KIAA0319L: variants seen among roughly 807,000 people sequenced by gnomAD.
The protein encoded by KIAA0319L is KIAA0319 like, also known as dyslexia-associated protein KIAA0319-like protein.
A neutral mutation model predicts 120.1 loss-of-function variants in KIAA0319L; 55 were observed. The observed-to-expected ratio is 0.46, with a 90% CI of 0.37 to 0.57. KIAA0319L has a LOEUF of 0.57. Ranked by LOEUF, KIAA0319L falls within the 20% of genes least tolerant of loss-of-function variation. The probability of loss-of-function intolerance (pLI) is 0.00; values close to 1 mark genes in which losing one functional copy is unlikely to be tolerated. For missense variants in KIAA0319L, 1,049 were observed against 1,255.3 expected (o/e 0.84, Z 2.48); for synonymous variants, 398 against 471.9 (o/e 0.84, Z 2.03).
intron 15 of KIAA0319L, 149 bp downstream of exon 15, chr1:35,449,718 T>C: frequency 1.3e-6 from 1 of 784,320 alleles, no homozygotes; most frequent in Non-Finnish European, 2.0e-6. Flanking sequence ...ACGGTCTCTA[T>C]GGATTTTTCA....
chr1:35,497,258 G>C (rs1007989283), intron 3 of KIAA0319L, among the ~76,000 whole-genome samples: 2 of 151,312 alleles, frequency 1.3e-5, no homozygotes, highest in African/African-American at 2.4e-5. Context: ...AAGATGAAAT[G>C]TTATCAAACT....
chr1:35,486,725 A>AC (rs1482259367), intron 3 of KIAA0319L, among the ~76,000 whole-genome samples: 57 of 118,724 alleles, frequency 4.8e-4, no homozygotes, highest in African/African-American at 2.2e-3. Context: ...ACATAGCGAG[A>AC]CCCCATTTCT....
intron 7 of KIAA0319L, among the ~76,000 whole-genome samples, chr1:35,464,182 G>C (rs567314267): frequency 6.6e-6 from 1 of 152,300 alleles, no homozygotes; most frequent in African/African-American, 2.4e-5. Context: ...CTGGGTAACA[G>C]GTAGAGGTTC....
chr1:35,498,906 AT>A (rs1395166977), intron 3 of KIAA0319L, among the ~76,000 whole-genome samples: 2 of 152,196 alleles, frequency 1.3e-5, no homozygotes, highest in Non-Finnish European at 2.9e-5. Context: ...AATCCTACCA[AT>A]GGAAAGGAAT....
chr1:35,462,789 T>C, intron 7 of KIAA0319L, 76 bp from the exon 8 acceptor site: 1 of 1,175,434 alleles, frequency 8.5e-7, no homozygotes, highest in South Asian at 1.3e-5. Flanking sequence ...CTGAGAGGAT[T>C]ATAAATCAAT....
chr1:35,486,737 CAA>C (rs4045085), intron 3 of KIAA0319L, among the ~76,000 whole-genome samples: 12 of 86,892 alleles, frequency 1.4e-4, no homozygotes, highest in Admixed American at 1.2e-4. Context: ...CCCATTTCTA[CAA>C]AAAAAAAAAA....
chr1:35,550,547 T>G (rs1038738008), intron 2 of KIAA0319L, among the ~76,000 whole-genome samples: 2 of 152,216 alleles, frequency 1.3e-5, no homozygotes, highest in Non-Finnish European at 2.9e-5. Context: ...TATGAAGAGA[T>G]AATAATTCCT....
intron 10 of KIAA0319L, among the ~76,000 whole-genome samples, chr1:35,455,800 C>T (rs1193055526): frequency 5.9e-5 from 9 of 151,880 alleles, no homozygotes; most frequent in African/African-American, 1.7e-4. Context: ...AGGCTGGTCT[C>T]GAACTCCTGA....
At position 35,448,181 on chromosome 1, in the gene KIAA0319L, C is replaced by T. The variant is rs759328053; in HGVS notation, c.2505G>A (p.Thr835=). 1.3e-5 allele frequency: 21 copies of T among 1,609,680 alleles called. No homozygotes were observed. The highest frequency in any genetic ancestry group is 6.7e-5 in the Admixed American group (4 of 59,398). ...DIIVQKIQPY[T]EQSTKMVFFV... ...ATTCATTGCCCAGCTACCTCTGCTC[C>T]GTGTACGGCTGAATCTTTTGCACAA... The change falls in exon 16 of 21, where the codon ACG becomes ACA. Residue 835 remains threonine, a synonymous_variant. Transcript: ENST00000325722.
chr1:35,497,154 A>C (rs1450235175), intron 3 of KIAA0319L, among the ~76,000 whole-genome samples: 1 of 151,900 alleles, frequency 6.6e-6, no homozygotes, highest in Non-Finnish European at 1.5e-5. Context: ...GGGATGGCAC[A>C]CAGGAACTTT....
intron 2 of KIAA0319L, among the ~76,000 whole-genome samples, chr1:35,526,155 G>C (rs1035923621): frequency 6.6e-6 from 1 of 151,294 alleles, no homozygotes; most frequent in Non-Finnish European, 1.5e-5. Context: ...TTAATACGTG[G>C]GTTTATTTCT....
chr1:35,553,036 G>A (rs1647386438), intron 2 of KIAA0319L, among the ~76,000 whole-genome samples: 1 of 151,736 alleles, frequency 6.6e-6, no homozygotes, highest in African/African-American at 2.4e-5. Flanking sequence ...GCAGTGAGCC[G>A]AGATTGTGCC....
At chr1:35,450,108 G>A in intron 14 of KIAA0319L, 103 bp from the exon 15 acceptor site, 2 of 1,407,538 alleles carry the variant, frequency 1.4e-6, no homozygotes, top group South Asian at 2.5e-5. Flanking sequence ...GGGCTGAACT[G>A]TTTCAACCTT....
intron 14 of KIAA0319L, 145 bp from the exon 15 acceptor site, chr1:35,450,150 C>A: frequency 9.2e-7 from 1 of 1,082,902 alleles, no homozygotes; most frequent in Non-Finnish European, 1.4e-6. Context: ...AGCATTGCAG[C>A]CTACAACTGC....
At chr1:35,513,288 A>ATATATTTTTTTTTTT (rs1414704674) in intron 2 of KIAA0319L, among the ~76,000 whole-genome samples, 1 of 85,338 alleles carries the variant, frequency 1.2e-5, no homozygotes, top group African/African-American at 4.3e-5. Flanking sequence ...ATATATATAT[A>ATATATTTTTTTTTTT]TTTTTTTTTT....
At chr1:35,515,306 C>T (rs1042549209) in intron 2 of KIAA0319L, among the ~76,000 whole-genome samples, 1 of 147,694 alleles carries the variant, frequency 6.8e-6, no homozygotes, top group African/African-American at 2.5e-5. Flanking sequence ...GAGTGAAACT[C>T]CATCTCAAAA....
intron 5 of KIAA0319L, among the ~76,000 whole-genome samples, chr1:35,473,078 GC>G (rs1643728905): frequency 4.5e-5 from 5 of 110,904 alleles, no homozygotes; most frequent in African/African-American, 1.2e-4. Flanking sequence ...ACTGCGCCCA[GC>G]CTTTTTTTTT....
chr1:35,519,955 A>G (rs1472943559), intron 2 of KIAA0319L, among the ~76,000 whole-genome samples: 1 of 152,180 alleles, frequency 6.6e-6, no homozygotes, highest in Non-Finnish European at 1.5e-5. Flanking sequence ...TGGGAAAAAA[A>G]TGATCCAACT....
At chr1:35,495,609 A>G (rs1218084939) in intron 3 of KIAA0319L, among the ~76,000 whole-genome samples, 1 of 152,112 alleles carries the variant, frequency 6.6e-6, no homozygotes, top group Non-Finnish European at 1.5e-5. Context: ...ATATATATGT[A>G]AGAAAATAAC....
Sources: gnomAD v4.1 joint callset for allele counts (sites outside exome capture counted in the v4.1 genomes callset) on GRCh38, gnomAD v4.1.1 for gene constraint, MANE v1.5 for transcripts, NCBI Gene and HGNC (gene_info 2026-07-23, HGNC 2026-07-21) for gene names.